Variants in HTT observed in about 807,000 individuals in gnomAD.
The protein encoded by HTT is huntingtin.
In HTT, 104 loss-of-function variants were observed where a neutral mutation model predicts 362.3. The observed-to-expected ratio is 0.29, with a 90% CI of 0.24 to 0.34. The LOEUF (loss-of-function observed/expected upper bound fraction) is 0.34. Ranked by LOEUF, HTT falls within the 10% of genes least tolerant of loss-of-function variation. The probability of loss-of-function intolerance (pLI) is 1.00; values close to 1 mark genes in which losing one functional copy is unlikely to be tolerated. For synonymous variants in HTT, 1,577 were observed against 1,548.7 expected, an observed-to-expected ratio of 1.02 and a Z score of -0.43; for missense variants, 3,301 against 3,928.6, an observed-to-expected ratio of 0.84 and a Z score of 4.27.
At chr4:3,110,416 C>T (rs192775768) in intron 6 of HTT, among the ~76,000 whole-genome samples, 29 of 152,294 alleles carry the variant, frequency 1.9e-4, no homozygotes, top group South Asian at 6.2e-4. Context: ...CCAGTCTGGG[C>T]AGGTTGATCT....
chr4:3,187,415 A>G (rs1028863001), intron 38 of HTT, among the ~76,000 whole-genome samples: 6 of 152,194 alleles, frequency 3.9e-5, no homozygotes, highest in African/African-American at 1.4e-4. Context: ...TCGGCCTCCC[A>G]AAGTGTTGGG....
At position 3,131,332 on chromosome 4, in the gene HTT, C is replaced by T. The variant is rs769455994; in HGVS notation, c.2033C>T (p.Ser678Phe). 7.4e-6 allele frequency: 12 copies of T among 1,614,124 alleles called. No individual in the cohort carries two copies. The highest frequency in any genetic ancestry group is 1.1e-5 in the South Asian group (1 of 91,074). ...ATTGGACAGTCCACTGATGATGACT[C>T]TGCACCTCTTGTCCATTGTGTCCGC... ...GDIGQSTDDDSAPLVHCVRLL... is the reference protein window; with the variant it reads ...GDIGQSTDDDFAPLVHCVRLL... The change falls in exon 15 of 67, where the codon TCT becomes TTT. Residue 678 changes from serine to phenylalanine, a missense_variant. Physicochemically the swap from Ser to Phe is radical, Grantham distance 155. Around this residue, in one of 4 missense-constraint regions of HTT, gnomAD observed 2,316 missense variants for 2,658.5 expected, o/e 0.87. Coordinates refer to ENST00000355072, the MANE Select transcript of HTT (RefSeq NM_001388492.1).
intron 5 of HTT, among the ~76,000 whole-genome samples, chr4:3,106,942 G>A (rs1327190543): frequency 6.6e-6 from 1 of 152,042 alleles, no homozygotes; most frequent in African/African-American, 2.4e-5. Context: ...TCCTTTTTCA[G>A]GAAAGCTTTA....
intron 47 of HTT, among the ~76,000 whole-genome samples, chr4:3,211,232 GTGAAAGC>G (rs1720146678): frequency 6.6e-6 from 1 of 152,150 alleles, no homozygotes; most frequent in Non-Finnish European, 1.5e-5. Flanking sequence ...GATTCATGCA[GTGAAAGC>G]TAACTTACTG....
At chr4:3,078,798 G>A (rs887245057) in intron 1 of HTT, among the ~76,000 whole-genome samples, 3 of 150,618 alleles carry the variant, frequency 2.0e-5, no homozygotes, top group Non-Finnish European at 2.9e-5. Flanking sequence ...GCAGTGGCGC[G>A]ATCTCAGCTC....
intron 3 of HTT, among the ~76,000 whole-genome samples, chr4:3,102,963 G>C (rs1375080187): frequency 6.6e-6 from 1 of 152,114 alleles, no homozygotes; most frequent in Admixed American, 6.5e-5. Flanking sequence ...GGTCAGGGGG[G>C]CAGGGACCAC....
intron 21 of HTT, among the ~76,000 whole-genome samples, chr4:3,138,180 C>CGCCTGCCT (rs57466122): frequency 1.6e-5 from 2 of 126,040 alleles, no homozygotes; most frequent in Non-Finnish European, 3.4e-5. Context: ...TTCCCCTTCC[C>CGCCTGCCT]GCCTGCCTGC....
chr4:3,236,315 T>C lies in HTT; in HGVS notation c.8891+61T>C, dbSNP rs1361107719. The C allele has an allele frequency of 6.2e-6, 7 of 1,126,202 alleles. No homozygotes were observed. In the African/African-American group the frequency reaches 9.2e-5, roughly 15 times the overall value. 69.8% of individuals were successfully genotyped at this position (1,126,202 alleles called of 1,614,324 possible). ...TCCCTAGAACTTTGGCCTGAAGCTG[T>C]GCTTTTGTGTGTGTCTGCTGATCCC... On this transcript the variant is annotated intron_variant, in intron 64 of 66. Coordinates refer to ENST00000355072, the MANE Select transcript of HTT (RefSeq NM_001388492.1).
chr4:3,099,874 G>C (rs1002666273), intron 3 of HTT, among the ~76,000 whole-genome samples: 1 of 143,052 alleles, frequency 7.0e-6, no homozygotes, highest in African/African-American at 2.9e-5. Flanking sequence ...AGGTGCTCTT[G>C]TATGGTTTGG....
At chr4:3,116,708 T>A (rs1715046640) in intron 8 of HTT, among the ~76,000 whole-genome samples, 1 of 152,158 alleles carries the variant, frequency 6.6e-6, no homozygotes. Context: ...CTCAAGGAGA[T>A]AGGGACGTGG....
chr4:3,136,843 T>G (rs544343547), intron 21 of HTT, among the ~76,000 whole-genome samples: 1 of 152,302 alleles, frequency 6.6e-6, no homozygotes, highest in South Asian at 2.1e-4. Flanking sequence ...AATTACTTAT[T>G]ATACATAAAT....
intron 36 of HTT, among the ~76,000 whole-genome samples, 159 bp from the exon 37 acceptor site, chr4:3,182,195 A>G (rs1021149214): frequency 2.0e-5 from 3 of 152,116 alleles, no homozygotes; most frequent in African/African-American, 7.2e-5. Context: ...CATGTCATAG[A>G]GTGGGGGTTG....
At chr4:3,132,420 G>A in intron 16 of HTT, 142 bp from the exon 17 acceptor site, 1 of 655,562 alleles carries the variant, frequency 1.5e-6, no homozygotes, top group Non-Finnish European at 2.6e-6. Flanking sequence ...TAATCACTTA[G>A]GGTTATTATA....
intron 21 of HTT, among the ~76,000 whole-genome samples, 186 bp from the exon 22 acceptor site, chr4:3,140,324 G>A (rs1302279178): frequency 6.6e-6 from 1 of 152,024 alleles, no homozygotes; most frequent in Non-Finnish European, 1.5e-5. Context: ...GGGTGCATGA[G>A]AGTGACCCTG....
intron 11 of HTT, among the ~76,000 whole-genome samples, chr4:3,126,897 G>A (rs1715545282): frequency 2.0e-5 from 3 of 152,170 alleles, no homozygotes; most frequent in South Asian, 4.1e-4. Context: ...GAGGGCCTGC[G>A]TGTCTGTGAC....
Position 3,110,533 on chromosome 4 carries a change from T to A in HTT, c.747+3110T>A, listed in dbSNP as rs576114481. Among the ~76,000 whole-genome samples, 6 of 152,336 alleles carry A rather than the reference T, an allele frequency of 3.9e-5. No homozygotes were observed. The East Asian group carries it at 1.2e-3, about 29-fold the overall frequency. On this transcript the variant is annotated intron_variant, in intron 6 of 66. Coordinates refer to ENST00000355072, the MANE Select transcript of HTT (RefSeq NM_001388492.1). ...CCCAGTTCCTAGATGCCATATGTTT[T>A]TCTATCGTCTAGTAGCTTCCTGAGA...
intron 24 of HTT, among the ~76,000 whole-genome samples, chr4:3,146,439 A>G (rs1716607555): frequency 6.6e-6 from 1 of 152,162 alleles, no homozygotes; most frequent in Admixed American, 6.5e-5. Context: ...ACCCCAGCCA[A>G]TTCTCTTTTA....
At chr4:3,132,057 C>T (rs968024993) in intron 16 of HTT, among the ~76,000 whole-genome samples, 2 of 152,186 alleles carry the variant, frequency 1.3e-5, no homozygotes, top group Admixed American at 6.5e-5. Flanking sequence ...TGTGCCTGGT[C>T]GCAGTGGCGC....
chr4:3,152,703 C>CT (rs1560571188), intron 26 of HTT, among the ~76,000 whole-genome samples: 2 of 147,378 alleles, frequency 1.4e-5, no homozygotes, highest in Non-Finnish European at 1.5e-5. Flanking sequence ...CTCTGTTTTT[C>CT]TTTTTTTTTT....
Sources: allele counts gnomAD v4.1 joint callset (sites outside exome capture counted in the v4.1 genomes callset), GRCh38; gene constraint gnomAD v4.1.1; regional missense constraint gnomAD v4.1.1; transcripts MANE v1.5; gene names NCBI Gene and HGNC (gene_info 2026-07-23, HGNC 2026-07-21).